PPP4R3A: variants seen among roughly 807,000 people sequenced by gnomAD.
PPP4R3A encodes the protein serine/threonine-protein phosphatase 4 regulatory subunit 3A.
A neutral mutation model predicts 91.7 loss-of-function variants in PPP4R3A; 15 were observed. The observed-to-expected ratio is 0.16, with a 90% CI of 0.11 to 0.25. The LOEUF is 0.25. Ranked by LOEUF, PPP4R3A falls within the 10% of genes least tolerant of loss-of-function variation. The probability of loss-of-function intolerance (pLI) is 1.00; values close to 1 mark genes in which losing one functional copy is unlikely to be tolerated. For synonymous variants in PPP4R3A, 377 were observed against 348.7 expected (o/e 1.08, Z -0.91); for missense variants, 623 against 998.4 (o/e 0.62, Z 5.07).
intron 1 of PPP4R3A, among the ~76,000 whole-genome samples, chr14:91,501,681 C>T (rs1890968884): frequency 6.7e-6 from 1 of 149,636 alleles, no homozygotes; most frequent in Non-Finnish European, 1.5e-5. Flanking sequence ...GGCCCAAAAT[C>T]TCATGTAGGT....
chr14:91,507,420 A>ATTATATATACTACATAG lies in PPP4R3A; in HGVS notation c.142+2085_142+2086insCTATGTAGTATATATAA, dbSNP rs1566660360. Among the ~76,000 whole-genome samples the ATTATATATACTACATAG allele has an allele frequency of 6.5e-4, 52 of 79,780 alleles. 4 individuals are homozygous for ATTATATATACTACATAG. Among genetic ancestry groups the ATTATATATACTACATAG allele is most frequent in the Admixed American group, 1.2e-3 (7 of 5,842 alleles). 52.3% of individuals were successfully genotyped at this position (79,780 alleles called of 152,430 possible). ...GTACTATAATTATATATACTATATA[A>ATTATATATACTACATAG]TATATATACTATAATTATATATACT... On this transcript the variant is annotated intron_variant, in intron 1 of 14. Coordinates refer to ENST00000554943, the MANE Select transcript of PPP4R3A (RefSeq NM_001366432.2).
intron 4 of PPP4R3A, among the ~76,000 whole-genome samples, chr14:91,480,360 G>C (rs927421059): frequency 2.6e-5 from 4 of 152,156 alleles, no homozygotes; most frequent in Non-Finnish European, 4.4e-5. Flanking sequence ...CATAGCTACT[G>C]TTATTAAGTG....
At chr14:91,477,776 G>A (rs941427247) in intron 4 of PPP4R3A, among the ~76,000 whole-genome samples, 4 of 152,172 alleles carry the variant, frequency 2.6e-5, no homozygotes, top group African/African-American at 9.7e-5. Flanking sequence ...AGTCTCCTTA[G>A]CAGCTGGGAC....
At position 91,463,046 on chromosome 14, in the gene PPP4R3A, T is replaced by C. The variant is rs375790118; in HGVS notation, c.1831-169A>G. Among the ~76,000 whole-genome samples the C allele has an allele frequency of 6.6e-5, 10 of 152,182 alleles. No individual in the cohort carries two copies. The East Asian group carries it at 1.7e-3, about 26-fold the overall frequency. ...TGGGAATAACGTACACTGGCTACTA[T>C]AGTAGTCCCCAATTTATCTATGGGT... On this transcript the variant is annotated intron_variant, in intron 11 of 14. Coordinates refer to ENST00000554943, the MANE Select transcript of PPP4R3A (RefSeq NM_001366432.2).
chr14:91,458,817 T>TC lies in PPP4R3A; in HGVS notation c.2443dup (p.Glu815GlyfsTer3). 1 of 1,613,548 alleles carries TC rather than the reference T, an allele frequency of 6.2e-7. No individual in the cohort carries two copies. Among genetic ancestry groups the TC allele is most frequent in the Non-Finnish European group, 8.5e-7 (1 of 1,179,600 alleles). On this transcript the variant is annotated frameshift_variant, in exon 15 of 15. Transcript: ENST00000554943. LOFTEE classifies it high-confidence loss of function. Reference sequence around the variant, plus strand: ...TAACGTATCTTCCTTATCTTCATCCTCATCATCATCTTCATCATCATCAGG... The same window carrying TC: ...TAACGTATCTTCCTTATCTTCATCCTCCATCATCATCTTCATCATCATCAGG...
chr14:91,485,818 T>C (rs891191341), intron 2 of PPP4R3A, 88 bp from the exon 3 acceptor site: 1 of 882,078 alleles, frequency 1.1e-6, no homozygotes, highest in Non-Finnish European at 1.7e-6. Flanking sequence ...ACTGTGCTCA[T>C]TTTTACTTTT....
rs1435263179 is a variant in PPP4R3A at position 91,476,389 on chromosome 14, G to A, written c.1110+19C>T. 3 of 1,474,292 alleles carry A rather than the reference G, an allele frequency of 2.0e-6. No homozygotes were observed. The highest frequency in any genetic ancestry group is 2.8e-6 in the Non-Finnish European group (3 of 1,070,326). The allele number at this position is 1,474,292 out of a possible 1,614,324, so 91.3% of individuals were successfully genotyped here. A position where few individuals can be genotyped will look rare whatever the true frequency, so the allele number is the denominator to read the frequency against. ...GGATTAAAAAATGGTAATTAAAAATGAGGAGACACAAAACTTACAAGGATG... is the reference window on the plus strand; with the variant it reads ...GGATTAAAAAATGGTAATTAAAAATAAGGAGACACAAAACTTACAAGGATG... On this transcript the variant is annotated intron_variant, in intron 6 of 14. Transcript: ENST00000554943.
At position 91,476,416 on chromosome 14, in the gene PPP4R3A, C is replaced by G. The variant is rs763263594; in HGVS notation, c.1102G>C (p.Val368Leu). Residue 368 changes from valine (V) to leucine (L), a missense_variant, in exon 6 of 15, where the codon GTC becomes CTC. Physicochemically the swap from Val to Leu is conservative, Grantham distance 32. Transcript: ENST00000554943. ...SNMGILPALE[V>L]ILGMDDTQVR... is the part of the protein sequence containing the mutation. ...GGAGACACAAAACTTACAAGGATGA[C>G]TTCTAAAGCTGGTAATATGCCCATG... 3 of 1,605,586 alleles carry G rather than the reference C, an allele frequency of 1.9e-6. No individual in the cohort carries two copies. The highest frequency in any genetic ancestry group is 2.6e-6 in the Non-Finnish European group (3 of 1,175,452).
chr14:91,471,826 G>C (rs1888855896), intron 9 of PPP4R3A, among the ~76,000 whole-genome samples: 1 of 152,110 alleles, frequency 6.6e-6, no homozygotes, highest in African/African-American at 2.4e-5. Context: ...CACTTTGGGA[G>C]GCCAAGGTGG....
chr14:91,473,930 C>T (rs977536982), intron 7 of PPP4R3A, among the ~76,000 whole-genome samples: 15 of 151,938 alleles, frequency 9.9e-5, no homozygotes, highest in African/African-American at 1.2e-4. Context: ...CCACCATGCC[C>T]GGCTAATTTT....
chr14:91,469,030 T>C (rs1425020848), intron 10 of PPP4R3A, among the ~76,000 whole-genome samples: 1 of 148,062 alleles, frequency 6.8e-6, no homozygotes, highest in East Asian at 2.0e-4. Context: ...AAGATAGTAA[T>C]CAAATCTAAG....
intron 10 of PPP4R3A, among the ~76,000 whole-genome samples, chr14:91,465,654 AG>A (rs1417080787): frequency 1.9e-4 from 29 of 152,370 alleles, no homozygotes; most frequent in African/African-American, 6.5e-4. Flanking sequence ...TTAGAAAGCC[AG>A]AAAAATCCTG....
At chr14:91,475,743 AG>A (rs34276510) in intron 7 of PPP4R3A, 67 bp downstream of exon 7, 94,062 of 1,428,020 alleles carry the variant, frequency 0.066, 9,320 homozygotes, top group East Asian at 0.41. Context: ...AAATCTTAAA[AG>A]TGAATAATAA....
Position 91,458,670 on chromosome 14 carries a change from A to C in PPP4R3A, c.*89T>G. 1 of 1,581,826 alleles carries C rather than the reference A, an allele frequency of 6.3e-7. No individual in the cohort carries two copies. Among genetic ancestry groups the C allele is most frequent in the Non-Finnish European group, 8.7e-7 (1 of 1,151,284 alleles). On this transcript the variant is annotated 3_prime_UTR_variant, in exon 15 of 15. Coordinates refer to ENST00000554943, the MANE Select transcript of PPP4R3A (RefSeq NM_001366432.2). Reference sequence around the variant, plus strand: ...GATCTGTGTCAGTCATTCACAAGAGACCACTGCGCTTTGTTGTGGATTTTG... The same window carrying C: ...GATCTGTGTCAGTCATTCACAAGAGCCCACTGCGCTTTGTTGTGGATTTTG...
rs773510177 is a variant in PPP4R3A at position 91,458,673 on chromosome 14, A to G, written c.*86T>C. On this transcript the variant is annotated 3_prime_UTR_variant, in exon 15 of 15. Coordinates refer to ENST00000554943, the MANE Select transcript of PPP4R3A (RefSeq NM_001366432.2). ...CTGTGTCAGTCATTCACAAGAGACC[A>G]CTGCGCTTTGTTGTGGATTTTGTAT... 1 of 1,584,896 alleles carries G rather than the reference A, an allele frequency of 6.3e-7. No homozygotes were observed. The highest frequency in any genetic ancestry group is 1.7e-5 in the Admixed American group (1 of 59,984).
At chr14:91,496,439 T>A (rs960248778) in intron 1 of PPP4R3A, among the ~76,000 whole-genome samples, 3 of 152,192 alleles carry the variant, frequency 2.0e-5, no homozygotes, top group African/African-American at 7.2e-5. Context: ...AGTGCAGTGG[T>A]ATGACATTGT....
intron 5 of PPP4R3A, 126 bp downstream of exon 5, chr14:91,476,783 T>C: frequency 1.3e-6 from 1 of 778,180 alleles, no homozygotes; most frequent in Non-Finnish European, 2.0e-6. Context: ...GCCAGGCTGG[T>C]CTCAAACTTC....
At position 91,458,572 on chromosome 14, in the gene PPP4R3A, T is replaced by G. The variant is rs1887911569; in HGVS notation, c.*187A>C. On this transcript the variant is annotated 3_prime_UTR_variant, in exon 15 of 15. Coordinates refer to ENST00000554943, the MANE Select transcript of PPP4R3A (RefSeq NM_001366432.2). ...AGCTCAAAGGCTTAAGTCTTTCCCC[T>G]AAATATATGATATCCCCTCCTCCTG... 1 of 825,776 alleles carries G rather than the reference T, an allele frequency of 1.2e-6. No individual in the cohort carries two copies. The highest frequency in any genetic ancestry group is 1.7e-5 in the African/African-American group (1 of 59,562). The allele number at this position is 825,776 out of a possible 1,614,324, so 51.2% of individuals were successfully genotyped here. A position where few individuals can be genotyped will look rare whatever the true frequency, so the allele number is the denominator to read the frequency against.
At chr14:91,462,902 A>G (rs1458932431) in intron 11 of PPP4R3A, 25 bp from the exon 12 acceptor site, 2 of 1,550,614 alleles carry the variant, frequency 1.3e-6, no homozygotes, top group Non-Finnish European at 8.8e-7. Context: ...AGTAATGAAA[A>G]AATGATAGGA....
Sources: allele counts gnomAD v4.1 joint callset (sites outside exome capture counted in the v4.1 genomes callset), GRCh38; gene constraint gnomAD v4.1.1; transcripts MANE v1.5; gene names NCBI Gene and HGNC (gene_info 2026-07-23, HGNC 2026-07-21).